Variants in RASGRP3 observed in about 807,000 individuals in gnomAD.
RASGRP3 encodes RAS guanyl releasing protein 3.
Under a neutral mutation model 82.7 loss-of-function variants are expected in RASGRP3, and 54 were observed. The ratio of observed to expected loss-of-function variants is 0.65; its 90% CI spans 0.52 to 0.82. The LOEUF is 0.82. Among genes scored for constraint, RASGRP3 ranks in the 40% least tolerant of loss-of-function variants. RASGRP3 has a pLI of 0.00. For missense variants in RASGRP3, 861 were observed against 828.9 expected, an observed-to-expected ratio of 1.04 and a Z score of -0.48; for synonymous variants, 309 against 300.5, an observed-to-expected ratio of 1.03 and a Z score of -0.29.
At chr2:33,559,099 A>G in intron 17 of RASGRP3, 69 bp downstream of exon 17, 1 of 1,322,236 alleles carries the variant, frequency 7.6e-7, no homozygotes, top group Non-Finnish European at 1.0e-6. Context: ...TGAGCGTTAC[A>G]GAGGGTCTGG....
At chr2:33,508,525 G>A (rs1389182970) in intron 1 of RASGRP3, among the ~76,000 whole-genome samples, 1 of 152,108 alleles carries the variant, frequency 6.6e-6, no homozygotes, top group African/African-American at 2.4e-5. Context: ...CCCAAAAAGG[G>A]CATCCATGTG....
At chr2:33,480,682 C>G (rs767965698) in intron 1 of RASGRP3, among the ~76,000 whole-genome samples, 24 of 152,066 alleles carry the variant, frequency 1.6e-4, no homozygotes, top group Non-Finnish European at 4.4e-5. Flanking sequence ...TTGTTTTTGC[C>G]CAATTGTGTG....
chr2:33,520,097 T>G, intron 5 of RASGRP3, 83 bp downstream of exon 5: 1 of 1,167,398 alleles, frequency 8.6e-7, no homozygotes. Context: ...GCTGCAGACC[T>G]AGTTTGACAA....
At chr2:33,510,445 T>C (rs533125034) in intron 1 of RASGRP3, among the ~76,000 whole-genome samples, 1 of 152,356 alleles carries the variant, frequency 6.6e-6, no homozygotes, top group South Asian at 2.1e-4. Context: ...TAACTTTGGC[T>C]TGAGAACCTT....
chr2:33,557,418 A>C (rs1037910519), intron 15 of RASGRP3, among the ~76,000 whole-genome samples: 2 of 152,120 alleles, frequency 1.3e-5, no homozygotes, highest in Non-Finnish European at 2.9e-5. Flanking sequence ...GAGTAAAAAA[A>C]TCCAGACAAG....
rs71409620 is a variant in RASGRP3 at position 33,449,758 on chromosome 2, C to CA, written c.-261+1825dup. On this transcript the variant is annotated intron_variant, in intron 2 of 18. Transcript: ENST00000402538. ...TGGTGATAGTACGAGACTCCATCTC[C>CA]AAAAAAAAAAGGAATATTTATTACA... Among the ~76,000 whole-genome samples the CA allele has an allele frequency of 2.5e-3, 351 of 140,250 alleles. 2 individuals carry two copies. The highest frequency in any genetic ancestry group is 5.8e-3 in the African/African-American group (220 of 38,018). 92.0% of individuals were successfully genotyped at this position (140,250 alleles called of 152,430 possible).
At chr2:33,555,640 A>G in intron 15 of RASGRP3, 73 bp downstream of exon 15, 1 of 1,288,986 alleles carries the variant, frequency 7.8e-7, no homozygotes, top group South Asian at 1.3e-5. Flanking sequence ...GTCTGGTTAA[A>G]CTACAAAAGC....
chr2:33,495,716 A>G (rs1669246575), intron 1 of RASGRP3, among the ~76,000 whole-genome samples: 1 of 151,882 alleles, frequency 6.6e-6, no homozygotes, highest in Non-Finnish European at 1.5e-5. Context: ...ACATAATGAG[A>G]CTTCATCTCT....
chr2:33,477,173 G>A (rs1191994976), intron 1 of RASGRP3, among the ~76,000 whole-genome samples: 1 of 152,134 alleles, frequency 6.6e-6, no homozygotes, highest in African/African-American at 2.4e-5. Context: ...TTATTGTATG[G>A]CTGATTTGAT....
intron 2 of RASGRP3, among the ~76,000 whole-genome samples, chr2:33,456,996 A>G (rs1666075814): frequency 6.9e-6 from 1 of 144,912 alleles, no homozygotes; most frequent in Non-Finnish European, 1.5e-5. Context: ...TCTGCCTCCC[A>G]GGTTCAAGTG....
chr2:33,464,626 C>T (rs957451202), intron 2 of RASGRP3, among the ~76,000 whole-genome samples: 2 of 152,092 alleles, frequency 1.3e-5, no homozygotes, highest in Non-Finnish European at 2.9e-5. Context: ...GCACATGCCG[C>T]CACACCAAGC....
intron 15 of RASGRP3, 79 bp downstream of exon 15, chr2:33,555,646 A>G: frequency 8.1e-7 from 1 of 1,238,554 alleles, no homozygotes. Context: ...TTAAACTACA[A>G]AAGCTCTTGC....
chr2:33,515,413 C>G (rs1018324924), intron 3 of RASGRP3, among the ~76,000 whole-genome samples: 51 of 152,186 alleles, frequency 3.4e-4, no homozygotes, highest in African/African-American at 1.0e-3. Context: ...CCCAGTCAAA[C>G]TGTCTACTTA....
intron 1 of RASGRP3, among the ~76,000 whole-genome samples, chr2:33,502,663 C>G (rs1372859602): frequency 3.3e-5 from 5 of 151,946 alleles, no homozygotes; most frequent in Non-Finnish European, 1.5e-5. Flanking sequence ...CAGGCACGCA[C>G]CACCACACCC....
At chr2:33,539,501 G>A (rs1574460327) in intron 12 of RASGRP3, 1 of 221,842 alleles carries the variant, frequency 4.5e-6, no homozygotes, top group Non-Finnish European at 8.8e-6. Context: ...AAGGGATTGG[G>A]GATTAGAATC....
At chr2:33,496,160 C>T (rs1240708411) in intron 1 of RASGRP3, among the ~76,000 whole-genome samples, 1 of 152,200 alleles carries the variant, frequency 6.6e-6, no homozygotes, top group South Asian at 2.1e-4. Flanking sequence ...TATTAGCTTG[C>T]ACCATCTTCG....
intron 2 of RASGRP3, among the ~76,000 whole-genome samples, chr2:33,452,491 G>A (rs1429953661): frequency 6.6e-6 from 1 of 152,200 alleles, no homozygotes; most frequent in Admixed American, 6.5e-5. Flanking sequence ...GGAAGGCCTG[G>A]AGCTTGCATC....
chr2:33,541,787 A>T (rs1268165790), intron 12 of RASGRP3, among the ~76,000 whole-genome samples: 1 of 146,678 alleles, frequency 6.8e-6, no homozygotes, highest in Non-Finnish European at 1.5e-5. Flanking sequence ...TTTTGGTTCA[A>T]TTTTTTTGCA....
intron 1 of RASGRP3, among the ~76,000 whole-genome samples, chr2:33,510,734 A>T (rs943028976): frequency 6.6e-6 from 1 of 152,156 alleles, no homozygotes; most frequent in African/African-American, 2.4e-5. Flanking sequence ...CTAACTCCTT[A>T]AACAGTCTAG....
Sources: gnomAD v4.1 joint callset for allele counts (sites outside exome capture counted in the v4.1 genomes callset) on GRCh38, gnomAD v4.1.1 for gene constraint, MANE v1.5 for transcripts, NCBI Gene and HGNC (gene_info 2026-07-23, HGNC 2026-07-21) for gene names.